SLC4A4: variants seen among roughly 807,000 people sequenced by gnomAD.
SLC4A4 encodes the protein electrogenic sodium bicarbonate cotransporter 1.
In SLC4A4, 27 loss-of-function variants were observed where a neutral mutation model predicts 111.5. The observed-to-expected ratio is 0.24, with a 90% confidence interval of 0.18 to 0.33. The LOEUF (loss-of-function observed/expected upper bound fraction) is 0.33. Among genes scored for constraint, SLC4A4 ranks in the 10% least tolerant of loss-of-function variants. SLC4A4 has a pLI of 1.00. For missense variants in SLC4A4, 909 were observed against 1,315.5 expected, an observed-to-expected ratio of 0.69 and a Z score of 4.78; for synonymous variants, 443 against 463.4, an observed-to-expected ratio of 0.96 and a Z score of 0.57.
chr4:71,472,978 C>G lies in SLC4A4; in HGVS notation c.1903+8C>G, dbSNP rs1020440996. ...GTGTGCCACCTGACCCAGGTGAGGG[C>G]ATTACGCTTTGTGTTTATGCTCGCT... On this transcript the variant is annotated splice_region_variant and intron_variant, in intron 14 of 25. Transcript: ENST00000264485. 3 of 1,612,890 alleles carry G rather than the reference C, an allele frequency of 1.9e-6. No individual in the cohort carries two copies. Among genetic ancestry groups the G allele is most frequent in the Non-Finnish European group, 2.5e-6 (3 of 1,179,306 alleles).
chr4:71,497,756 T>C, intron 16 of SLC4A4, 64 bp downstream of exon 16: 2 of 1,424,602 alleles, frequency 1.4e-6, no homozygotes, highest in Non-Finnish European at 2.0e-6. Flanking sequence ...AATACAACTT[T>C]ACAAGGTGAA....
chr4:71,478,847 T>C (rs930116443), intron 14 of SLC4A4, among the ~76,000 whole-genome samples: 3 of 151,816 alleles, frequency 2.0e-5, no homozygotes, highest in Non-Finnish European at 4.4e-5. Context: ...ATAGTGTTAA[T>C]TGCTTTTTGA....
intron 18 of SLC4A4, among the ~76,000 whole-genome samples, chr4:71,541,124 G>C (rs185570076): frequency 5.6e-4 from 86 of 152,220 alleles, no homozygotes; most frequent in Non-Finnish European, 9.9e-4. Context: ...ACGTCCCTTG[G>C]GAGTGGAGAT....
At chr4:71,146,716 C>T (rs1039968712) in intron 2 of SLC4A4, among the ~76,000 whole-genome samples, 2 of 151,870 alleles carry the variant, frequency 1.3e-5, no homozygotes, top group Admixed American at 6.6e-5. Flanking sequence ...CCAGGCCTGC[C>T]CTAAAAGAGC....
In SLC4A4 at chr4:71,166,409, G is replaced by A. The variant is rs72860071; in HGVS notation, c.-1-70167G>A. On this transcript the variant is annotated intron_variant, in intron 2 of 26. Coordinates refer to the SLC4A4 transcript ENST00000649996. Reference sequence around the variant, plus strand: ...ATCTTAATAACAAAGACCAAATTCTGTTAGTTCACAGGTCTCATAAGAAAG... The same window carrying A: ...ATCTTAATAACAAAGACCAAATTCTATTAGTTCACAGGTCTCATAAGAAAG... Among the ~76,000 whole-genome samples the A allele has an allele frequency of 3.1e-3, 471 of 152,316 alleles. 4 individuals are homozygous for A. Among genetic ancestry groups the A allele is most frequent in the African/African-American group, 0.011 (442 of 41,570 alleles).
intron 3 of SLC4A4, among the ~76,000 whole-genome samples, chr4:71,319,118 G>A (rs1254251349): frequency 1.3e-5 from 2 of 151,922 alleles, no homozygotes; most frequent in Non-Finnish European, 2.9e-5. Flanking sequence ...ATATCAATAG[G>A]ATCTGTGAAT....
chr4:71,203,985 A>C (rs773985849), intron 1 of SLC4A4, among the ~76,000 whole-genome samples: 13 of 152,210 alleles, frequency 8.5e-5, no homozygotes, highest in Non-Finnish European at 1.6e-4. Context: ...AACACTGTAA[A>C]TTCCAGAAAA....
rs1725567544 is a variant in SLC4A4, at chr4:71,304,986, A to G, written c.254-34384A>G. Reference sequence around the variant, plus strand: ...TATTATCTAAATCAATTGTTAACAAATATGCTCAGTTACTGGGCAGAATCT... The same window carrying G: ...TATTATCTAAATCAATTGTTAACAAGTATGCTCAGTTACTGGGCAGAATCT... On this transcript the variant is annotated intron_variant, in intron 3 of 25. Coordinates refer to ENST00000264485, the MANE Select transcript of SLC4A4 (RefSeq NM_001098484.3). Among the ~76,000 whole-genome samples, 7 of 152,340 alleles carry G rather than the reference A, an allele frequency of 4.6e-5. No homozygotes were observed. In the South Asian group the frequency reaches 1.4e-3, roughly 32 times the overall value.
rs370457134 is a variant in SLC4A4, at chr4:71,528,980, A to G, written c.2167-3082A>G. Among the ~76,000 whole-genome samples, 106 of 152,228 alleles carry G rather than the reference A, an allele frequency of 7.0e-4. 4 individuals carry two copies. The South Asian group carries it at 0.016, about 22-fold the overall frequency. ...TTTTTCTAAATATTCTACAATGAAC[A>G]TATATTAATTTTGAAACAAAAAATA... On this transcript the variant is annotated intron_variant, in intron 16 of 25. Coordinates refer to ENST00000264485, the MANE Select transcript of SLC4A4 (RefSeq NM_001098484.3).
At chr4:71,502,975 G>A (rs993275115) in intron 16 of SLC4A4, among the ~76,000 whole-genome samples, 2 of 152,074 alleles carry the variant, frequency 1.3e-5, no homozygotes, top group African/African-American at 4.8e-5. Context: ...CCTTTAGATA[G>A]AATAATAATA....
At chr4:71,173,737 C>T (rs1482064950) in intron 2 of SLC4A4, among the ~76,000 whole-genome samples, 1 of 152,114 alleles carries the variant, frequency 6.6e-6, no homozygotes, top group East Asian at 1.9e-4. Context: ...AAGACCAATC[C>T]AACTCAACTC....
At chr4:71,233,727 C>T (rs941600069) in intron 1 of SLC4A4, among the ~76,000 whole-genome samples, 5 of 152,116 alleles carry the variant, frequency 3.3e-5, no homozygotes, top group Non-Finnish European at 7.4e-5. Context: ...CTAAATAGAA[C>T]TCTTGATTTG....
intron 1 of SLC4A4, among the ~76,000 whole-genome samples, chr4:71,078,057 T>C (rs1741892704): frequency 6.6e-6 from 1 of 152,172 alleles, no homozygotes; most frequent in Non-Finnish European, 1.5e-5. Context: ...GATAGGATTC[T>C]AGAAACTATT....
chr4:71,319,641 A>G (rs1448490446), intron 3 of SLC4A4, among the ~76,000 whole-genome samples: 2 of 152,096 alleles, frequency 1.3e-5, no homozygotes, highest in South Asian at 2.1e-4. Flanking sequence ...GCCAGAATCA[A>G]TAATACATCA....
chr4:71,347,826 C>T (rs536262713), intron 4 of SLC4A4, among the ~76,000 whole-genome samples: 2 of 152,086 alleles, frequency 1.3e-5, no homozygotes, highest in South Asian at 4.2e-4. Flanking sequence ...TTCTAGCTGC[C>T]CTGTGTCATT....
chr4:71,169,221 G>A (rs1335524669), intron 2 of SLC4A4, among the ~76,000 whole-genome samples: 1 of 150,742 alleles, frequency 6.6e-6, no homozygotes, highest in East Asian at 2.0e-4. Context: ...TCACCATGTT[G>A]GTCAGGCTGT....
At chr4:71,492,981 T>C (rs1730073924) in intron 15 of SLC4A4, among the ~76,000 whole-genome samples, 1 of 151,994 alleles carries the variant, frequency 6.6e-6, no homozygotes, top group African/African-American at 2.4e-5. Flanking sequence ...CTAGGGAAAG[T>C]TTTAAAAGTT....
Position 71,137,497 on chromosome 4 carries a change from C to A in SLC4A4, c.-2+44705C>A, listed in dbSNP as rs141579853. Among the ~76,000 whole-genome samples the A allele has an allele frequency of 1.1e-3, 171 of 152,330 alleles. 1 individual carries two copies. The East Asian group carries it at 0.03, about 27-fold the overall frequency. ...ATTTAGTGAACATGACCACTGCATT[C>A]CTGATCTCAAGATACAAGGTCCTTT... On this transcript the variant is annotated intron_variant, in intron 2 of 26. Transcript: ENST00000649996.
chr4:71,560,057 T>C lies in SLC4A4; in HGVS notation c.2938-36T>C, dbSNP rs369727907. ...ATGCTTGCTGTGACTTCATCTGACA[T>C]GGTTTCTTTCATACTTTTAATATTT... On this transcript the variant is annotated intron_variant, in intron 22 of 25. Coordinates refer to ENST00000264485, the MANE Select transcript of SLC4A4 (RefSeq NM_001098484.3). The C allele has an allele frequency of 1.4e-5, 22 of 1,522,974 alleles. No individual in the cohort carries two copies. The African/African-American group carries it at 2.5e-4, about 17-fold the overall frequency. The allele number at this position is 1,522,974 out of a possible 1,614,324, so 94.3% of individuals were successfully genotyped here. A position where few individuals can be genotyped will look rare whatever the true frequency, so the allele number is the denominator to read the frequency against.
Sources: gnomAD v4.1 joint callset for allele counts (sites outside exome capture counted in the v4.1 genomes callset) on GRCh38, gnomAD v4.1.1 for gene constraint, MANE v1.5 for transcripts, NCBI Gene and HGNC (gene_info 2026-07-23, HGNC 2026-07-21) for gene names.